The following NRXN1 variants were observed in gnomAD, a reference collection of about 807,000 sequenced individuals.
NRXN1 encodes the protein neurexin 1, also known as neurexin-1.
Under a neutral mutation model 150.9 loss-of-function variants are expected in NRXN1, and 39 were observed. The observed-to-expected ratio is 0.26, with a 90% CI of 0.20 to 0.34. The LOEUF is 0.34. Among genes scored for constraint, NRXN1 ranks in the 10% least tolerant of loss-of-function variants. The pLI is 1.00. For missense variants in NRXN1, 1,815 were observed against 1,949.9 expected, an observed-to-expected ratio of 0.93 and a Z score of 1.30; for synonymous variants, 924 against 757.0, an observed-to-expected ratio of 1.22 and a Z score of -3.62.
At chr2:50,136,283 A>C (rs1238739306) in intron 18 of NRXN1, among the ~76,000 whole-genome samples, 1 of 152,194 alleles carries the variant, frequency 6.6e-6, no homozygotes, top group Non-Finnish European at 1.5e-5. Flanking sequence ...GAAAAATAAC[A>C]AATTGTTCAA....
intron 17 of NRXN1, among the ~76,000 whole-genome samples, chr2:50,335,712 C>T (rs1263513360): frequency 6.6e-6 from 1 of 152,170 alleles, no homozygotes; most frequent in Non-Finnish European, 1.5e-5. Context: ...TACACAATAT[C>T]CTCTTGTTAA....
intron 19 of NRXN1, among the ~76,000 whole-genome samples, chr2:50,084,017 C>T (rs968095268): frequency 3.3e-5 from 5 of 152,144 alleles, no homozygotes; most frequent in African/African-American, 1.2e-4. Flanking sequence ...CATAAAGATT[C>T]TCCAAGTCCC....
intron 5 of NRXN1, among the ~76,000 whole-genome samples, chr2:50,783,898 C>T (rs182905166): frequency 1.2e-4 from 19 of 152,140 alleles, no homozygotes; most frequent in Admixed American, 3.3e-4. Context: ...CTCCTTATTC[C>T]TGACCCTGCG....
chr2:50,697,948 C>T (rs1324659002), intron 5 of NRXN1, among the ~76,000 whole-genome samples: 1 of 152,154 alleles, frequency 6.6e-6, no homozygotes, highest in African/African-American at 2.4e-5. Context: ...AAAGTCACTG[C>T]CTTGAGCCAA....
chr2:50,034,060 C>T (rs777705456), intron 21 of NRXN1, among the ~76,000 whole-genome samples: 8 of 151,274 alleles, frequency 5.3e-5, no homozygotes, highest in Non-Finnish European at 1.0e-4. Context: ...TAAATTAGTT[C>T]AACCATTGTG....
At chr2:50,334,211 A>ATG in intron 17 of NRXN1, among the ~76,000 whole-genome samples, 1 of 145,046 alleles carries the variant, frequency 6.9e-6, no homozygotes, top group South Asian at 2.2e-4. Context: ...ATATATATAT[A>ATG]TGTATGTAGA....
intron 2 of NRXN1, among the ~76,000 whole-genome samples, chr2:50,986,756 A>G (rs1009204161): frequency 2.0e-5 from 3 of 151,414 alleles, no homozygotes; most frequent in Non-Finnish European, 4.4e-5. Context: ...TTTCCAAAAA[A>G]TCGAGATAGT....
At chr2:50,311,794 C>T (rs1269767957) in intron 17 of NRXN1, among the ~76,000 whole-genome samples, 1 of 152,062 alleles carries the variant, frequency 6.6e-6, no homozygotes, top group Admixed American at 6.6e-5. Context: ...AGCTTTCAAA[C>T]TATCTGTGGT....
At chr2:50,804,325 G>T (rs1667232850) in intron 5 of NRXN1, among the ~76,000 whole-genome samples, 1 of 152,052 alleles carries the variant, frequency 6.6e-6, no homozygotes. Context: ...TATTCAATGT[G>T]GTATTATGTG....
intron 17 of NRXN1, among the ~76,000 whole-genome samples, chr2:50,441,987 C>A (rs557888440): frequency 1.5e-4 from 23 of 152,310 alleles, no homozygotes; most frequent in African/African-American, 5.5e-4. Flanking sequence ...TCAGCATCCA[C>A]TGGTAGTTCC....
chr2:50,238,270 T>C (rs1412519285), intron 17 of NRXN1, among the ~76,000 whole-genome samples: 1 of 152,038 alleles, frequency 6.6e-6, no homozygotes, highest in Non-Finnish European at 1.5e-5. Flanking sequence ...TCCCTCTGTC[T>C]TCTTCTGACT....
At chr2:50,124,395 C>T (rs1704280426) in intron 18 of NRXN1, among the ~76,000 whole-genome samples, 2 of 152,112 alleles carry the variant, frequency 1.3e-5, no homozygotes, top group African/African-American at 4.8e-5. Context: ...GAACTCTGAA[C>T]ATCATTTTTC....
chr2:50,091,558 A>T (rs1699580403), intron 18 of NRXN1, 64 bp from the exon 19 acceptor site: 2 of 1,524,936 alleles, frequency 1.3e-6, no homozygotes, highest in Admixed American at 3.4e-5. Flanking sequence ...AATAAAGATT[A>T]CATACAAGGT....
At chr2:50,193,316 CT>C (rs1450401581) in intron 18 of NRXN1, among the ~76,000 whole-genome samples, 5 of 152,130 alleles carry the variant, frequency 3.3e-5, no homozygotes. Flanking sequence ...TCAAATTCAG[CT>C]GTTAAATATA....
intron 12 of NRXN1, among the ~76,000 whole-genome samples, chr2:50,522,881 G>A (rs2092833789): frequency 7.0e-6 from 1 of 143,468 alleles, no homozygotes; most frequent in Non-Finnish European, 1.5e-5. Context: ...ATAGGCACCT[G>A]CCACTATGCC....
At chr2:49,945,707 G>A (rs1322476810) in intron 21 of NRXN1, among the ~76,000 whole-genome samples, 1 of 151,964 alleles carries the variant, frequency 6.6e-6, no homozygotes, top group East Asian at 1.9e-4. Flanking sequence ...TCCCTACAAG[G>A]GACATGAACT....
At chr2:50,165,828 C>G (rs2059647687) in intron 18 of NRXN1, among the ~76,000 whole-genome samples, 1 of 152,184 alleles carries the variant, frequency 6.6e-6, no homozygotes, top group African/African-American at 2.4e-5. Flanking sequence ...CTATATATTA[C>G]ATTCAACTTC....
intron 17 of NRXN1, among the ~76,000 whole-genome samples, chr2:50,303,973 C>G (rs1401330932): frequency 6.6e-6 from 1 of 152,072 alleles, no homozygotes; most frequent in Non-Finnish European, 1.5e-5. Flanking sequence ...CTTTGTCTAT[C>G]TATATAGCTT....
chr2:49,976,629 A>G (rs1207582171), intron 21 of NRXN1, among the ~76,000 whole-genome samples: 3 of 152,212 alleles, frequency 2.0e-5, no homozygotes, highest in Non-Finnish European at 4.4e-5. Context: ...CATGTAAAGA[A>G]AATAGTGTAG....
Sources: gnomAD v4.1 joint callset for allele counts (sites outside exome capture counted in the v4.1 genomes callset) on GRCh38, gnomAD v4.1.1 for gene constraint, MANE v1.5 for transcripts, NCBI Gene and HGNC (gene_info 2026-07-23, HGNC 2026-07-21) for gene names.